Variants in SEL1L2 observed in about 807,000 individuals in gnomAD.
SEL1L2 encodes SEL1L2 adaptor subunit of SYVN1 ubiquitin ligase.
Under a neutral mutation model 98.8 loss-of-function variants are expected in SEL1L2, and 89 were observed. The observed-to-expected ratio is 0.90, with a 90% CI of 0.76 to 1.07. The LOEUF is 1.07. Among genes scored for constraint, SEL1L2 ranks in the 50% least tolerant of loss-of-function variants. SEL1L2 has a pLI of 0.00. For synonymous variants in SEL1L2, 262 were observed against 278.5 expected (o/e 0.94, Z 0.59); for missense variants, 788 against 812.0 (o/e 0.97, Z 0.36).
intron 15 of SEL1L2, among the ~76,000 whole-genome samples, chr20:13,865,949 G>A (rs1990958125): frequency 1.3e-5 from 2 of 152,130 alleles, no homozygotes; most frequent in South Asian, 2.1e-4. Context: ...AGGAAAGACA[G>A]TGCCGGAGGG....
intron 3 of SEL1L2, among the ~76,000 whole-genome samples, chr20:13,922,080 C>A (rs2048689185): frequency 6.6e-6 from 1 of 152,090 alleles, no homozygotes; most frequent in Non-Finnish European, 1.5e-5. Context: ...GTTTCATGAA[C>A]CATATTTCTT....
chr20:13,855,084 C>G (rs1391291749), intron 18 of SEL1L2, among the ~76,000 whole-genome samples: 1 of 150,954 alleles, frequency 6.6e-6, no homozygotes, highest in South Asian at 2.1e-4. Context: ...ATCTGGGGTT[C>G]CTTGAGGGAT....
At chr20:13,908,103 CTTTTTTTTTTTTTTTTTT>C (rs71188195) in intron 5 of SEL1L2, among the ~76,000 whole-genome samples, 21 of 26,748 alleles carry the variant, frequency 7.9e-4, no homozygotes, top group African/African-American at 3.1e-3. Context: ...TTTCTTGGTT[CTTTTTTTTTTTTTTTTTT>C]TTTTTTTTTT....
At position 13,876,115 on chromosome 20, in the gene SEL1L2, T is replaced by C. The variant is rs908469199; in HGVS notation, c.1027A>G (p.Met343Val). 17 of 1,609,406 alleles carry C rather than the reference T, an allele frequency of 1.1e-5. No homozygotes were observed. Among genetic ancestry groups the C allele is most frequent in the Non-Finnish European group, 1.4e-5 (17 of 1,176,076 alleles). Reference sequence around the variant, plus strand: ...ACGGCAGCATTCCCCTCTAAATACATCTAGGAAGAAAAATGAAAAGAGGAT... The same window carrying C: ...ACGGCAGCATTCCCCTCTAAATACACCTAGGAAGAAAAATGAAAAGAGGAT... ...SANAMAFIGK[M>V]YLEGNAAVPQ... The change falls in exon 12 of 20, where the codon ATG (methionine) becomes GTG (valine). Residue 343 changes from methionine (M) to valine (V), a missense_variant and splice_region_variant. By Grantham distance (21) the Met-to-Val change is conservative. Transcript: ENST00000284951.
intron 10 of SEL1L2, among the ~76,000 whole-genome samples, chr20:13,883,859 T>C (rs905850897): frequency 1.3e-5 from 2 of 152,240 alleles, no homozygotes; most frequent in Non-Finnish European, 1.5e-5. Flanking sequence ...GACGTCTTCC[T>C]AGTTACATAT....
At chr20:13,957,190 C>T (rs1600916497) in intron 1 of SEL1L2, among the ~76,000 whole-genome samples, 1 of 152,078 alleles carries the variant, frequency 6.6e-6, no homozygotes, top group Non-Finnish European at 1.5e-5. Context: ...TAACCTCTGC[C>T]TCCGTGTTCA....
At chr20:13,947,360 G>C (rs1372504079) in intron 2 of SEL1L2, among the ~76,000 whole-genome samples, 5 of 152,104 alleles carry the variant, frequency 3.3e-5, no homozygotes, top group African/African-American at 1.2e-4. Flanking sequence ...GGGATGACCT[G>C]CCTGCAGATG....
At chr20:13,976,420 AGATCGGATGAC>A (rs1169310161) in intron 1 of SEL1L2, among the ~76,000 whole-genome samples, 1 of 152,206 alleles carries the variant, frequency 6.6e-6, no homozygotes, top group Non-Finnish European at 1.5e-5. Flanking sequence ...ATGGGGAAGA[AGATCGGATGAC>A]AGCCCACTCC....
chr20:13,893,735 C>T (rs1025111016), intron 5 of SEL1L2, among the ~76,000 whole-genome samples: 8 of 152,126 alleles, frequency 5.3e-5, no homozygotes, highest in Admixed American at 2.6e-4. Flanking sequence ...ACATTATTCT[C>T]AAGGGCGCAC....
intron 2 of SEL1L2, among the ~76,000 whole-genome samples, chr20:13,950,103 TGAG>T (rs1294469202): frequency 6.6e-6 from 1 of 152,150 alleles, no homozygotes; most frequent in African/African-American, 2.4e-5. Flanking sequence ...AACACTTAGA[TGAG>T]GTACCTAAAG....
At chr20:13,863,824 C>G (rs6042399) in intron 17 of SEL1L2, among the ~76,000 whole-genome samples, 17,294 of 151,850 alleles carry the variant, frequency 0.11, 1,075 homozygotes, top group African/African-American at 0.16. Context: ...ACAAAAATTA[C>G]CTGGGTGTGG....
intron 1 of SEL1L2, among the ~76,000 whole-genome samples, chr20:13,966,879 C>CTGTCTT (rs766326203): frequency 1.9e-5 from 2 of 104,138 alleles, no homozygotes; most frequent in Non-Finnish European, 3.6e-5. Flanking sequence ...AGAGACCTGT[C>CTGTCTT]TTTTTTTTTT....
intron 1 of SEL1L2, among the ~76,000 whole-genome samples, chr20:13,960,963 T>C (rs947297032): frequency 9.2e-5 from 14 of 152,216 alleles, no homozygotes; most frequent in African/African-American, 3.4e-4. Flanking sequence ...GATGTAGAGT[T>C]AGCCTTGGAA....
At chr20:13,921,323 C>T (rs1285522797) in intron 3 of SEL1L2, among the ~76,000 whole-genome samples, 1 of 152,140 alleles carries the variant, frequency 6.6e-6, no homozygotes, top group Non-Finnish European at 1.5e-5. Context: ...AGGTGCATGC[C>T]ACCACGCCCA....
chr20:13,907,408 A>C (rs1421508739), intron 5 of SEL1L2, among the ~76,000 whole-genome samples: 1 of 152,068 alleles, frequency 6.6e-6, no homozygotes, highest in Non-Finnish European at 1.5e-5. Flanking sequence ...TAAAAAAAAA[A>C]CTAAAACAAT....
Position 13,884,335 on chromosome 20 carries a change from C to T in SEL1L2, c.957+1012G>A, listed in dbSNP as rs78432696. Reference sequence around the variant, plus strand: ...TAAAAAAAAAAATCCAGTTACTTCCCAGGTCTGTGGTGATGTAGGGCCTTG... The same window carrying T: ...TAAAAAAAAAAATCCAGTTACTTCCTAGGTCTGTGGTGATGTAGGGCCTTG... On this transcript the variant is annotated intron_variant, in intron 10 of 19. Coordinates refer to ENST00000284951, the MANE Select transcript of SEL1L2 (RefSeq NM_025229.2). Among the ~76,000 whole-genome samples, 741 of 151,980 alleles carry T rather than the reference C, an allele frequency of 4.9e-3. 8 individuals are homozygous for T. Among genetic ancestry groups the T allele is most frequent in the African/African-American group, 0.017 (717 of 41,462 alleles).
At chr20:13,866,897 T>G (rs1167588500) in intron 14 of SEL1L2, 47 bp from the exon 15 acceptor site, 1 of 1,533,972 alleles carries the variant, frequency 6.5e-7, no homozygotes, top group Non-Finnish European at 8.7e-7. Flanking sequence ...ACTTTATTTT[T>G]TATATTATAA....
intron 17 of SEL1L2, among the ~76,000 whole-genome samples, chr20:13,864,282 CT>C (rs1427861071): frequency 2.6e-5 from 4 of 152,162 alleles, no homozygotes; most frequent in Non-Finnish European, 5.9e-5. Context: ...ACCACTGTGA[CT>C]TTTTCCTATG....
rs1456158080 is a variant in SEL1L2, at chr20:13,869,604, A to G, written c.1168-14T>C. 3.7e-6 allele frequency: 6 copies of G among 1,601,310 alleles called. No individual in the cohort carries two copies. The South Asian group carries it at 6.6e-5, about 18-fold the overall frequency. On this transcript the variant is annotated splice_polypyrimidine_tract_variant and intron_variant, in intron 13 of 19. Transcript: ENST00000284951. ...TTCGGCATAATTCTGCAAGATAATT[A>G]CACTCTATTACTCAAAGGCACAAGT...
Sources: gnomAD v4.1 joint callset for allele counts (sites outside exome capture counted in the v4.1 genomes callset) on GRCh38, gnomAD v4.1.1 for gene constraint, MANE v1.5 for transcripts, NCBI Gene and HGNC (gene_info 2026-07-23, HGNC 2026-07-21) for gene names.